The following KMT2C variants were observed in gnomAD, a reference collection of about 807,000 sequenced individuals.
The protein encoded by KMT2C is lysine methyltransferase 2C.
KMT2C carries 88 observed loss-of-function variants against 507.9 expected under a neutral mutation model. That is an observed-to-expected ratio of 0.17 (90% CI 0.15 to 0.21). The LOEUF (loss-of-function observed/expected upper bound fraction) is 0.21, where lower values mean the gene tolerates loss of function less well. KMT2C is among the 10% of genes least tolerant of loss of function. The pLI is 1.00. For synonymous variants in KMT2C, 2,049 were observed against 2,080.8 expected (o/e 0.98, Z 0.42); for missense variants, 4,954 against 5,957.8 (o/e 0.83, Z 5.55).
chr7:152,297,017 G>GAA (rs1330816776), intron 6 of KMT2C, among the ~76,000 whole-genome samples: 1 of 82,290 alleles, frequency 1.2e-5, no homozygotes, highest in Non-Finnish European at 2.2e-5. Context: ...AAGAAAGAAA[G>GAA]AAAGAAAGAA....
intron 39 of KMT2C, among the ~76,000 whole-genome samples, chr7:152,172,169 G>A (rs1259556256): frequency 6.6e-6 from 1 of 152,128 alleles, no homozygotes; most frequent in African/African-American, 2.4e-5. Context: ...CCTACCCACT[G>A]CTACAGGTCT....
intron 6 of KMT2C, among the ~76,000 whole-genome samples, chr7:152,306,124 A>G (rs1293719751): frequency 6.6e-6 from 1 of 152,142 alleles, no homozygotes; most frequent in Non-Finnish European, 1.5e-5. Context: ...TTTTGCCTCT[A>G]GTTTTATGTT....
At chr7:152,360,663 G>A (rs1036016054) in intron 1 of KMT2C, among the ~76,000 whole-genome samples, 7 of 151,508 alleles carry the variant, frequency 4.6e-5, no homozygotes, top group African/African-American at 1.7e-4. Context: ...GAGAAACCCC[G>A]TCACTACTAA....
At chr7:152,418,044 G>A (rs57953634) in intron 1 of KMT2C, among the ~76,000 whole-genome samples, 1,835 of 150,280 alleles carry the variant, frequency 0.012, 43 homozygotes, top group African/African-American at 0.043. Flanking sequence ...CCTTTGCCTC[G>A]ATACTCCTTC....
chr7:152,353,385 A>T (rs779665320), intron 2 of KMT2C, among the ~76,000 whole-genome samples: 8 of 152,282 alleles, frequency 5.3e-5, no homozygotes, highest in Non-Finnish European at 7.3e-5. Flanking sequence ...GATAAAGATG[A>T]AATTTTCTTA....
chr7:152,243,262 C>G (rs915477311), intron 14 of KMT2C, among the ~76,000 whole-genome samples: 1 of 152,152 alleles, frequency 6.6e-6, no homozygotes, highest in African/African-American at 2.4e-5. Context: ...AAAAATACCA[C>G]AACAAGCACA....
At position 152,250,945 on chromosome 7, in the gene KMT2C, A is replaced by G. The variant is rs1231227745; in HGVS notation, c.1643T>C (p.Val548Ala). Residue 548 changes from valine to alanine, a missense_variant, in exon 12 of 59, where the codon GTT (valine) becomes GCT (alanine). Val to Ala is a moderately conservative substitution (Grantham distance 64). Around this residue, in one of 29 missense-constraint regions of KMT2C, gnomAD observed 376 missense variants for 352.4 expected, o/e 1.07. Transcript: ENST00000262189. ...LTTDYNNEMEVEGPEDQMVFS... is the reference protein window; with the variant it reads ...LTTDYNNEMEAEGPEDQMVFS... ...TACCATTTGATCTTCAGGGCCTTCAACTTCCATTTCATTGTTATAATCTTA... is the reference window on the plus strand; with the variant it reads ...TACCATTTGATCTTCAGGGCCTTCAGCTTCCATTTCATTGTTATAATCTTA... 5.6e-6 allele frequency: 9 copies of G among 1,599,576 alleles called. No homozygotes were observed. The African/African-American group carries it at 9.4e-5, about 17-fold the overall frequency.
chr7:152,158,032 G>A (rs2092187953), intron 44 of KMT2C: 2 of 708,224 alleles, frequency 2.8e-6, no homozygotes, highest in Non-Finnish European at 4.0e-6. Context: ...TCAGAAAAAT[G>A]AGACTTAAAA....
intron 1 of KMT2C, among the ~76,000 whole-genome samples, chr7:152,392,220 CCT>C (rs1373258608): frequency 2.6e-5 from 4 of 152,096 alleles, no homozygotes; most frequent in Admixed American, 2.6e-4. Context: ...CACAACCCTA[CCT>C]ACCTCTCACA....
At position 152,240,099 on chromosome 7, in the gene KMT2C, G is replaced by A. The variant is rs544291041; in HGVS notation, c.2533-1273C>T. On this transcript the variant is annotated intron_variant, in intron 14 of 58. Coordinates refer to ENST00000262189, the MANE Select transcript of KMT2C (RefSeq NM_170606.3). ...AAACACTTTATTTTTTTCCCTCCAG[G>A]ATTACCGTTAGGTGTTCTTTCTTAC... is the stretch of plus-strand genomic sequence containing the variant. 2.0e-5 allele frequency among the ~76,000 whole-genome samples: 3 copies of A among 152,162 alleles called. No individual in the cohort carries two copies. The South Asian group carries it at 6.2e-4, about 32-fold the overall frequency.
rs200944769 is a variant in KMT2C at position 152,281,390 on chromosome 7, CATT to C, written c.850-7526_850-7524del. 7.7e-3 allele frequency among the ~76,000 whole-genome samples: 1,168 copies of C among 152,142 alleles called. 13 individuals carry two copies. Among genetic ancestry groups the C allele is most frequent in the African/African-American group, 0.027 (1,124 of 41,484 alleles). ...TGGGTAATATGCAAGAATCAGTAAGCATTATTATTTGCCAGCAGCTAAGCCAAG... is the reference window on the plus strand; with the variant it reads ...TGGGTAATATGCAAGAATCAGTAAGCATTATTTGCCAGCAGCTAAGCCAAG... On this transcript the variant is annotated intron_variant, in intron 6 of 58. Transcript: ENST00000262189.
intron 31 of KMT2C, 41 bp downstream of exon 31, chr7:152,193,968 T>C (rs2093887635): frequency 9.4e-6 from 14 of 1,485,388 alleles, no homozygotes; most frequent in African/African-American, 2.9e-5. Context: ...TATATACACA[T>C]GTGTGTGAAT....
intron 6 of KMT2C, among the ~76,000 whole-genome samples, chr7:152,302,349 G>C (rs569500313): frequency 6.6e-6 from 1 of 150,718 alleles, no homozygotes; most frequent in Non-Finnish European, 1.5e-5. Context: ...TCAGCCTCTC[G>C]AGTAGCTGGG....
chr7:152,175,699 A>G (rs924038032), intron 38 of KMT2C, among the ~76,000 whole-genome samples: 1 of 152,082 alleles, frequency 6.6e-6, no homozygotes, highest in Admixed American at 6.5e-5. Flanking sequence ...CCAAAGTGCT[A>G]GGATTACAGC....
chr7:152,348,928 G>A (rs1375180229), intron 2 of KMT2C, among the ~76,000 whole-genome samples: 1 of 152,116 alleles, frequency 6.6e-6, no homozygotes, highest in Non-Finnish European at 1.5e-5. Flanking sequence ...ACATACTCTT[G>A]CCATACAATC....
intron 46 of KMT2C, chr7:152,154,772 C>CT (rs2091919732): frequency 4.9e-6 from 1 of 206,054 alleles, no homozygotes; most frequent in South Asian, 1.3e-4. Flanking sequence ...ATCGTTGAGC[C>CT]TAGGGCAGCA....
intron 1 of KMT2C, chr7:152,367,818 A>C: frequency 2.2e-6 from 2 of 922,746 alleles, no homozygotes; most frequent in South Asian, 2.6e-5. Context: ...GCCTAATAGC[A>C]GGGTGCAGTG....
Position 152,330,625 on chromosome 7 carries a change from G to C in KMT2C, c.365C>G (p.Ser122Cys). Reference sequence around the variant, plus strand: ...CCTGATTTTGGCTTCTACACCAACAGAGACCAGGGAGTTTGCCGATTCCTC... The same window carrying C: ...CCTGATTTTGGCTTCTACACCAACACAGACCAGGGAGTTTGCCGATTCCTC... ...VSEESANSLVSVGVEAKISEQ... is the reference protein window; with the variant it reads ...VSEESANSLVCVGVEAKISEQ... The change falls in exon 3 of 59, where the codon TCT (serine) becomes TGT (cysteine). Residue 122 changes from serine to cysteine, a missense_variant. Around this residue, in one of 29 missense-constraint regions of KMT2C, gnomAD observed 233 missense variants for 263.6 expected, o/e 0.88. Coordinates refer to ENST00000262189, the MANE Select transcript of KMT2C (RefSeq NM_170606.3). The C allele has an allele frequency of 6.2e-7, 1 of 1,614,136 alleles. No homozygotes were observed. The highest frequency in any genetic ancestry group is 8.5e-7 in the Non-Finnish European group (1 of 1,180,012).
intron 2 of KMT2C, among the ~76,000 whole-genome samples, chr7:152,351,272 A>G (rs1263398139): frequency 3.3e-5 from 5 of 152,328 alleles, no homozygotes; most frequent in Non-Finnish European, 5.9e-5. Context: ...GTACTGTGCA[A>G]GAGTGTATGT....
Sources: gnomAD v4.1 joint callset for allele counts (sites outside exome capture counted in the v4.1 genomes callset) on GRCh38, gnomAD v4.1.1 for gene constraint, gnomAD v4.1.1 regional missense constraint, MANE v1.5 for transcripts, NCBI Gene and HGNC (gene_info 2026-07-23, HGNC 2026-07-21) for gene names.